COL12A1: variants seen among roughly 807,000 people sequenced by gnomAD.
COL12A1 encodes collagen alpha-1(XII) chain.
In COL12A1, 114 loss-of-function variants were observed where a neutral mutation model predicts 349.7. The ratio of observed to expected loss-of-function variants is 0.33; its 90% CI spans 0.28 to 0.38. COL12A1 has a LOEUF of 0.38. Among genes scored for constraint, COL12A1 ranks in the 10% least tolerant of loss-of-function variants. COL12A1 has a pLI of 1.00. For synonymous variants in COL12A1, 1,369 were observed against 1,329.0 expected, an observed-to-expected ratio of 1.03 and a Z score of -0.66; for missense variants, 3,284 against 3,756.9, an observed-to-expected ratio of 0.87 and a Z score of 3.29.
At chr6:75,152,725 T>C (rs1184941202) in intron 17 of COL12A1, among the ~76,000 whole-genome samples, 3 of 152,144 alleles carry the variant, frequency 2.0e-5, no homozygotes, top group African/African-American at 7.2e-5. Context: ...TTCCTTTATC[T>C]TTGACTCGAT....
chr6:75,101,924 G>C, intron 57 of COL12A1, 75 bp downstream of exon 57: 1 of 1,486,606 alleles, frequency 6.7e-7, no homozygotes, highest in African/African-American at 1.4e-5. Context: ...TACTTAATCT[G>C]GGTTCACCTT....
chr6:75,176,299 T>G (rs1233950098), intron 12 of COL12A1, among the ~76,000 whole-genome samples: 9 of 102,530 alleles, frequency 8.8e-5, no homozygotes, highest in Admixed American at 9.4e-5. Flanking sequence ...TGATACAGTG[T>G]GAGGTGGGAG....
intron 27 of COL12A1, among the ~76,000 whole-genome samples, chr6:75,139,675 C>A (rs746152105): frequency 6.6e-6 from 1 of 152,152 alleles, no homozygotes; most frequent in Non-Finnish European, 1.5e-5. Context: ...GAGCATGTTA[C>A]GATCCAGGTA....
At chr6:75,106,211 G>T (rs1022880925) in intron 53 of COL12A1, among the ~76,000 whole-genome samples, 3 of 152,164 alleles carry the variant, frequency 2.0e-5, no homozygotes, top group Non-Finnish European at 4.4e-5. Flanking sequence ...AGAAGTCCCA[G>T]AAACAGTCTG....
intron 5 of COL12A1, 136 bp downstream of exon 5, chr6:75,191,565 T>C: frequency 2.1e-6 from 1 of 470,080 alleles, no homozygotes; most frequent in Non-Finnish European, 3.6e-6. Context: ...TTATATTGTC[T>C]GTGCTCCTTC....
Position 75,192,251 on chromosome 6 carries a change from C to T in COL12A1, c.295G>A (p.Glu99Lys). The change falls in exon 4 of 66, where the codon GAA becomes AAA. Residue 99 changes from glutamate (E) to lysine (K), a missense_variant. Glu to Lys is a moderately conservative substitution (Grantham distance 56). Coordinates refer to ENST00000322507, the MANE Select transcript of COL12A1 (RefSeq NM_004370.6). ...EYVVTITSYD[E>K]VEESVPVIGQ... ...ATAACTGGTACACTTTCTTCTACTT[C>T]ATCATATGAAGTTATTGTCACCACA... 6.2e-7 allele frequency: 1 copy of T among 1,608,418 alleles called. No individual in the cohort carries two copies.
At position 75,164,692 on chromosome 6, in the gene COL12A1, C is replaced by T. The variant is rs117085459; in HGVS notation, c.2983+815G>A. 7.6e-4 allele frequency among the ~76,000 whole-genome samples: 115 copies of T among 152,292 alleles called. 2 individuals carry two copies. The East Asian group carries it at 0.018, about 24-fold the overall frequency. On this transcript the variant is annotated intron_variant, in intron 14 of 65. Coordinates refer to ENST00000322507, the MANE Select transcript of COL12A1 (RefSeq NM_004370.6). ...CCTCCTGCATTATCAATATCCTTCA[C>T]CAAAGTGGTACATTTGTTACAACTG...
chr6:75,173,887 T>C (rs1768774416), intron 13 of COL12A1, among the ~76,000 whole-genome samples: 1 of 152,162 alleles, frequency 6.6e-6, no homozygotes, highest in African/African-American at 2.4e-5. Flanking sequence ...CTTCCTATAA[T>C]CATTTAAAAT....
At position 75,145,458 on chromosome 6, in the gene COL12A1, G is replaced by A. The variant is rs1251553746; in HGVS notation, c.4561-3C>T. 12 of 1,612,736 alleles carry A rather than the reference G, an allele frequency of 7.4e-6. No homozygotes were observed. The African/African-American group carries it at 1.5e-4, about 20-fold the overall frequency. On this transcript the variant is annotated splice_region_variant and splice_polypyrimidine_tract_variant and intron_variant, in intron 24 of 65. Coordinates refer to ENST00000322507, the MANE Select transcript of COL12A1 (RefSeq NM_004370.6). ...TTCACTGTTGGCCCCAAACGCACCT[G>A]CACATGGATATGTGGAGCAGAAATA...
At chr6:75,110,023 A>G (rs1366836628) in intron 51 of COL12A1, among the ~76,000 whole-genome samples, 1 of 152,076 alleles carries the variant, frequency 6.6e-6, no homozygotes, top group African/African-American at 2.4e-5. Context: ...GTATTTTTAA[A>G]CTAAATATTT....
At chr6:75,184,376 T>C (rs1769496189) in intron 8 of COL12A1, among the ~76,000 whole-genome samples, 1 of 152,206 alleles carries the variant, frequency 6.6e-6, no homozygotes, top group South Asian at 2.1e-4. Context: ...TAAGAAAGTA[T>C]TTGGAAGAAA....
At chr6:75,167,723 C>A (rs534989104) in intron 13 of COL12A1, among the ~76,000 whole-genome samples, 2 of 152,090 alleles carry the variant, frequency 1.3e-5, no homozygotes, top group Admixed American at 6.5e-5. Context: ...TATTTCTGGG[C>A]TTAAAACAAA....
At chr6:75,130,799 C>A (rs1343016624) in intron 36 of COL12A1, 53 bp downstream of exon 36, 1 of 1,605,860 alleles carries the variant, frequency 6.2e-7, no homozygotes, top group African/African-American at 1.3e-5. Context: ...ATCAGAGAAG[C>A]CCTGCCAATC....
At chr6:75,191,676 C>G (rs1249658730) in intron 5 of COL12A1, 25 bp downstream of exon 5, 1 of 1,569,602 alleles carries the variant, frequency 6.4e-7, no homozygotes, top group Non-Finnish European at 8.7e-7. Context: ...TGAATCTAAG[C>G]AAAAATAGTA....
chr6:75,158,751 GAT>G (rs1239848769), intron 14 of COL12A1, among the ~76,000 whole-genome samples: 1 of 151,866 alleles, frequency 6.6e-6, no homozygotes, highest in Non-Finnish European at 1.5e-5. Flanking sequence ...AAATACATGA[GAT>G]AATATTTACA....
At chr6:75,135,550 T>A (rs1766565004) in intron 31 of COL12A1, among the ~76,000 whole-genome samples, 2 of 152,330 alleles carry the variant, frequency 1.3e-5, no homozygotes, top group South Asian at 4.1e-4. Flanking sequence ...ATTTGTACAA[T>A]TTATTAACAG....
At chr6:75,120,861 GGTCAAGGTAATTATCTGCAAA>G (rs1467174860) in intron 44 of COL12A1, among the ~76,000 whole-genome samples, 1 of 152,148 alleles carries the variant, frequency 6.6e-6, no homozygotes, top group Non-Finnish European at 1.5e-5. Context: ...ACCTTCTTCT[GGTCAAGGTAATTATCTGCAAA>G]GTAATGATAG....
chr6:75,176,466 G>T (rs1421184054), intron 12 of COL12A1, among the ~76,000 whole-genome samples: 1 of 151,396 alleles, frequency 6.6e-6, no homozygotes, highest in Non-Finnish European at 1.5e-5. Context: ...GTGGGAGCAT[G>T]ACGCAGTGGG....
intron 15 of COL12A1, 124 bp from the exon 16 acceptor site, chr6:75,155,978 A>G: frequency 4.8e-6 from 5 of 1,041,408 alleles, no homozygotes; most frequent in Non-Finnish European, 6.8e-6. Context: ...ACAAAATAGC[A>G]TGTTCCATAG....
Sources: allele counts gnomAD v4.1 joint callset (sites outside exome capture counted in the v4.1 genomes callset), GRCh38; gene constraint gnomAD v4.1.1; transcripts MANE v1.5; gene names NCBI Gene and HGNC (gene_info 2026-07-23, HGNC 2026-07-21).